The following PROM2 variants were observed in gnomAD, a reference collection of about 807,000 sequenced individuals.
The protein encoded by PROM2 is prominin 2.
PROM2 carries 90 observed loss-of-function variants against 110.2 expected under a neutral mutation model. The observed-to-expected ratio is 0.82, with a 90% CI of 0.69 to 0.97. The LOEUF is 0.97. PROM2 is among the 50% of genes least tolerant of loss of function. PROM2 has a pLI of 0.00. For synonymous variants in PROM2, 470 were observed against 467.8 expected (o/e 1.00, Z -0.06); for missense variants, 1,009 against 1,074.8 (o/e 0.94, Z 0.86).
At position 95,276,564 on chromosome 2, in the gene PROM2, G is replaced by T. The variant is rs1558741050; in HGVS notation, c.619-30G>T. 1 of 1,613,960 alleles carries T rather than the reference G, an allele frequency of 6.2e-7. No individual in the cohort carries two copies. Among genetic ancestry groups the T allele is most frequent in the African/African-American group, 1.3e-5 (1 of 75,054 alleles). On this transcript the variant is annotated intron_variant, in intron 4 of 23. Coordinates refer to ENST00000317620, the MANE Select transcript of PROM2 (RefSeq NM_001165978.3). The surrounding 1 kb of genome is among the most constrained non-coding windows in gnomAD (Gnocchi z 4.6). Reference sequence around the variant, plus strand: ...CGTAAGGACTGTGGGTGACCAGGAAGGGCAGCCTCAGGGCCTTGTGTTTGC... The same window carrying T: ...CGTAAGGACTGTGGGTGACCAGGAATGGCAGCCTCAGGGCCTTGTGTTTGC...
chr2:95,274,984 C>T, intron 1 of PROM2, 155 bp downstream of exon 1: 5 of 959,350 alleles, frequency 5.2e-6, no homozygotes. Flanking sequence ...GCTCCAGAAC[C>T]TGCTGTGTGA....
In PROM2 at chr2:95,276,020, T is replaced by C. The variant is rs1558740205; in HGVS notation, c.385T>C (p.Cys129Arg). The change falls in exon 3 of 24, where the codon TGC (cysteine) becomes CGC (arginine). Residue 129 changes from cysteine to arginine, a missense_variant. Physicochemically the swap from Cys to Arg is radical, Grantham distance 180 (BLOSUM62 -3). Coordinates refer to ENST00000317620, the MANE Select transcript of PROM2 (RefSeq NM_001165978.3). This position sits in a 1 kb window ranked among gnomAD's most constrained non-coding sequence, Gnocchi z 4.6. ...LVPTAGLCFCCCRCHRRCGGR... is the reference protein window; with the variant it reads ...LVPTAGLCFCRCRCHRRCGGR... Reference sequence around the variant, plus strand: ...GCCCACTGCCGGGCTTTGCTTCTGCTGCTGCCGCTGCCACCGGCGCTGCGG... The same window carrying C: ...GCCCACTGCCGGGCTTTGCTTCTGCCGCTGCCGCTGCCACCGGCGCTGCGG... 1 of 1,611,538 alleles carries C rather than the reference T, an allele frequency of 6.2e-7. No homozygotes were observed. The highest frequency in any genetic ancestry group is 8.5e-7 in the Non-Finnish European group (1 of 1,179,804).
Position 95,277,039 on chromosome 2 carries a change from G to A in PROM2, c.750G>A (p.Ala250=), listed in dbSNP as rs1367907163. The A allele has an allele frequency of 8.4e-6, 13 of 1,552,096 alleles. No homozygotes were observed. The highest frequency in any genetic ancestry group is 4.9e-5 in the East Asian group (2 of 41,092). ...GGAGCTCCGTGTACCCCTTGCTGGC[G>A]GCCGTGGGCAGTTTGGGCCAGGGTG... ...QLRSSVYPLL[A]AVGSLGQVLQ... Residue 250 remains alanine (A), a synonymous_variant, in exon 6 of 24, where the codon GCG becomes GCA. Coordinates refer to ENST00000317620, the MANE Select transcript of PROM2 (RefSeq NM_001165978.3).
At chr2:95,289,062 TGGGGA>T in intron 23 of PROM2, 56 bp downstream of exon 23, 3 of 753,672 alleles carry the variant, frequency 4.0e-6, no homozygotes, top group Non-Finnish European at 4.5e-6. Flanking sequence ...GGGAGTGGGG[TGGGGA>T]GGGGCTGGGG....
chr2:95,275,579 G>C lies in PROM2; in HGVS notation c.294+69G>C. ...TGAGCAGCAGGGTGGGAGCAGAAAA[G>C]CCTTGGCTCCCCTTAGCCCACCTCG... On this transcript the variant is annotated intron_variant, in intron 2 of 23. Coordinates refer to ENST00000317620, the MANE Select transcript of PROM2 (RefSeq NM_001165978.3). The surrounding 1 kb of genome is among the most constrained non-coding windows in gnomAD (Gnocchi z 4.4). 1 of 1,573,204 alleles carries C rather than the reference G, an allele frequency of 6.4e-7. No individual in the cohort carries two copies. Among genetic ancestry groups the C allele is most frequent in the Non-Finnish European group, 8.7e-7 (1 of 1,151,892 alleles).
At chr2:95,280,164 G>C (rs1676966746) in intron 11 of PROM2, among the ~76,000 whole-genome samples, 167 bp downstream of exon 11, 1 of 152,144 alleles carries the variant, frequency 6.6e-6, no homozygotes, top group Non-Finnish European at 1.5e-5. Context: ...CCTTCCTACA[G>C]CAGGGGCAAC....
At chr2:95,280,534 C>G (rs1368488541) in intron 11 of PROM2, among the ~76,000 whole-genome samples, 1 of 152,246 alleles carries the variant, frequency 6.6e-6, no homozygotes, top group Non-Finnish European at 1.5e-5. Flanking sequence ...CAGGTCATGC[C>G]TGGTCATGCC....
Position 95,286,375 on chromosome 2 carries a change from C to T in PROM2, c.1948-104C>T, listed in dbSNP as rs1443100632. ...TTAAGGAGGCCTCAGTTTTCTGCCTCTGAGCCCAGCACTCCCACTTTCTCT... is the reference window on the plus strand; with the variant it reads ...TTAAGGAGGCCTCAGTTTTCTGCCTTTGAGCCCAGCACTCCCACTTTCTCT... On this transcript the variant is annotated intron_variant, in intron 16 of 23. Transcript: ENST00000317620. The T allele has an allele frequency of 5.0e-6, 5 of 1,002,862 alleles. No individual in the cohort carries two copies. The African/African-American group carries it at 8.0e-5, about 16-fold the overall frequency. 62.1% of individuals were successfully genotyped at this position (1,002,862 alleles called of 1,614,324 possible).
intron 18 of PROM2, 104 bp from the exon 19 acceptor site, chr2:95,287,029 G>A: frequency 7.6e-7 from 1 of 1,315,388 alleles, no homozygotes. Context: ...TGGCTTGTCT[G>A]TTGGAGCTGA....
Position 95,277,279 on chromosome 2 carries a change from G to T in PROM2, c.773-85G>T. Reference sequence around the variant, plus strand: ...GGTCAATGATTTGCAGGTCCCTTTGGCTGGGGGAGGGGAGTTCTGCCTCCT... The same window carrying T: ...GGTCAATGATTTGCAGGTCCCTTTGTCTGGGGGAGGGGAGTTCTGCCTCCT... On this transcript the variant is annotated intron_variant, in intron 6 of 23. Transcript: ENST00000317620. 3 of 1,423,010 alleles carry T rather than the reference G, an allele frequency of 2.1e-6. No individual in the cohort carries two copies. The South Asian group carries it at 4.0e-5, about 19-fold the overall frequency. The allele number at this position is 1,423,010 out of a possible 1,614,324, so 88.1% of individuals were successfully genotyped here. A position where few individuals can be genotyped will look rare whatever the true frequency, so the allele number is the denominator to read the frequency against.
In PROM2 at chr2:95,286,553, C is replaced by G. The variant is rs1175923315; in HGVS notation, c.2022C>G (p.Val674=). 1 of 1,613,488 alleles carries G rather than the reference C, an allele frequency of 6.2e-7. No homozygotes were observed. Among genetic ancestry groups the G allele is most frequent in the Non-Finnish European group, 8.5e-7 (1 of 1,179,868 alleles). Residue 674 remains valine (V), a synonymous_variant, in exon 17 of 24, where the codon GTC becomes GTG. Transcript: ENST00000317620. ...GAAACCTTCACCAGGAGAAGGTCGTCCCCCAGCAGAGCCTTGTGGTCAGTT... is the reference window on the plus strand; with the variant it reads ...GAAACCTTCACCAGGAGAAGGTCGTGCCCCAGCAGAGCCTTGTGGTCAGTT... ...GLRNLHQEKV[V]PQQSLVAKLN... is the part of the protein sequence containing the mutation.
chr2:95,277,978 G>A lies in PROM2; in HGVS notation c.1024G>A (p.Ala342Thr), dbSNP rs140756227. 1.8e-4 allele frequency: 291 copies of A among 1,611,552 alleles called. No homozygotes were observed. The highest frequency in any genetic ancestry group is 5.0e-4 in the Middle Eastern group (3 of 6,058). Residue 342 changes from alanine to threonine, a missense_variant, in exon 8 of 24, where the codon GCC (alanine) becomes ACC (threonine). Coordinates refer to ENST00000317620, the MANE Select transcript of PROM2 (RefSeq NM_001165978.3). Reference protein sequence around the residue: ...VLHQLKGVPEANFSSMVQEEN... With the variant: ...VLHQLKGVPETNFSSMVQEEN... ...GCACCAGCTAAAAGGTGTCCCCGAG[G>A]CCAACTTCTCCAGCATGGTCCAGGA... is the stretch of plus-strand genomic sequence containing the variant.
At position 95,288,925 on chromosome 2, in the gene PROM2, C is replaced by T. The variant is rs1412661868; in HGVS notation, c.2442-8C>T. ...GGGTATGCTCACTCTCTGTCTTTGA[C>T]ACTGCAGCTCCACCAGCTCTGAGGA... is the stretch of plus-strand genomic sequence containing the variant. On this transcript the variant is annotated splice_region_variant and splice_polypyrimidine_tract_variant and intron_variant, in intron 22 of 23. Coordinates refer to ENST00000317620, the MANE Select transcript of PROM2 (RefSeq NM_001165978.3). The T allele has an allele frequency of 6.2e-7, 1 of 1,613,718 alleles. No homozygotes were observed. Among genetic ancestry groups the T allele is most frequent in the Non-Finnish European group, 8.5e-7 (1 of 1,179,716 alleles).
intron 16 of PROM2, 21 bp downstream of exon 16, chr2:95,285,731 C>A: frequency 6.3e-7 from 1 of 1,578,868 alleles, no homozygotes. Flanking sequence ...AACAGGGCCC[C>A]GACTGGGCAG....
intron 23 of PROM2, 31 bp downstream of exon 23, chr2:95,289,037 C>T (rs993930425): frequency 4.5e-6 from 7 of 1,565,412 alleles, no homozygotes; most frequent in Non-Finnish European, 6.2e-6. Flanking sequence ...TTAATTGCTC[C>T]CTGCCAGGGA....
At position 95,282,186 on chromosome 2, in the gene PROM2, A is replaced by G; in HGVS notation, c.1688A>G (p.Asn563Ser). Residue 563 changes from asparagine (N) to serine (S), a missense_variant, in exon 14 of 24, where the codon AAC becomes AGC. Asn to Ser is a conservative substitution (Grantham distance 46). Coordinates refer to ENST00000317620, the MANE Select transcript of PROM2 (RefSeq NM_001165978.3). ...GAALWTVLQL[N>S]DSYDLEEHLD... ...GCGCTCTGGACAGTCCTGCAGCTCAACGACTCCTACGACCTGGAGGAGCAC... is the reference window on the plus strand; with the variant it reads ...GCGCTCTGGACAGTCCTGCAGCTCAGCGACTCCTACGACCTGGAGGAGCAC... The G allele has an allele frequency of 1.2e-6, 2 of 1,613,996 alleles. No homozygotes were observed. The highest frequency in any genetic ancestry group is 1.7e-5 in the Admixed American group (1 of 60,006).
rs1677574757 is a variant in PROM2, at chr2:95,289,539, G to A, written c.*326G>A. On this transcript the variant is annotated 3_prime_UTR_variant, in exon 24 of 24. Coordinates refer to ENST00000317620, the MANE Select transcript of PROM2 (RefSeq NM_001165978.3). ...TCCACCTGCTGGAGCCTGGACCCTGGGGTGGGACAGAGGCCTCGTCCAACC... is the reference window on the plus strand; with the variant it reads ...TCCACCTGCTGGAGCCTGGACCCTGAGGTGGGACAGAGGCCTCGTCCAACC... The A allele has an allele frequency of 6.5e-6, 1 of 154,312 alleles. No homozygotes were observed. The highest frequency in any genetic ancestry group is 2.4e-5 in the African/African-American group (1 of 41,256). 9.6% of individuals were successfully genotyped at this position (154,312 alleles called of 1,614,324 possible).
intron 11 of PROM2, 40 bp from the exon 12 acceptor site, chr2:95,281,202 G>C: frequency 6.2e-7 from 1 of 1,603,726 alleles, no homozygotes; most frequent in Non-Finnish European, 8.5e-7. Context: ...AGGGCAGCCA[G>C]TCCCTGCTGT....
chr2:95,276,539 C>T lies in PROM2; in HGVS notation c.619-55C>T, dbSNP rs547462435. ...AGGGAAGGGGCCAGGGAGAGAAGGGCGTAAGGACTGTGGGTGACCAGGAAG... is the reference window on the plus strand; with the variant it reads ...AGGGAAGGGGCCAGGGAGAGAAGGGTGTAAGGACTGTGGGTGACCAGGAAG... On this transcript the variant is annotated intron_variant, in intron 4 of 23. Coordinates refer to ENST00000317620, the MANE Select transcript of PROM2 (RefSeq NM_001165978.3). The surrounding 1 kb of genome is among the most constrained non-coding windows in gnomAD (Gnocchi z 4.6). 7.6e-5 allele frequency: 122 copies of T among 1,610,982 alleles called. 3 individuals carry two copies. In the Admixed American group the frequency reaches 1.6e-3, roughly 21 times the overall value.
Sources: allele counts gnomAD v4.1 joint callset (sites outside exome capture counted in the v4.1 genomes callset), GRCh38; gene constraint gnomAD v4.1.1; non-coding constraint Gnocchi (gnomAD v3.1); transcripts MANE v1.5; gene names NCBI Gene and HGNC (gene_info 2026-07-23, HGNC 2026-07-21).